Variants in U2AF2 observed in about 807,000 individuals in gnomAD.
The protein encoded by U2AF2 is U2 small nuclear RNA auxiliary factor 2, also known as splicing factor U2AF 65 kDa subunit.
Under a neutral mutation model 52.6 loss-of-function variants are expected in U2AF2, and 6 were observed. The observed-to-expected ratio is 0.11, with a 90% CI of 0.06 to 0.23. The LOEUF is 0.23. Among genes scored for constraint, U2AF2 ranks in the 10% least tolerant of loss-of-function variants. The probability of loss-of-function intolerance (pLI) is 1.00; values close to 1 mark genes in which losing one functional copy is unlikely to be tolerated. For missense variants in U2AF2, 222 were observed against 677.1 expected, an observed-to-expected ratio of 0.33 and a Z score of 7.46; for synonymous variants, 284 against 258.2, an observed-to-expected ratio of 1.10 and a Z score of -0.96.
chr19:55,666,721 G>T (rs1984572937), intron 7 of U2AF2, among the ~76,000 whole-genome samples: 1 of 152,212 alleles, frequency 6.6e-6, no homozygotes, highest in African/African-American at 2.4e-5. Context: ...AACCCAAGGA[G>T]CCATGAACCC....
chr19:55,656,044 C>T (rs1983774016), intron 1 of U2AF2, among the ~76,000 whole-genome samples: 1 of 152,150 alleles, frequency 6.6e-6, no homozygotes, highest in Non-Finnish European at 1.5e-5. Context: ...TCTTCACTTA[C>T]GGGGAAGGTG....
In U2AF2 at chr19:55,668,813, C is replaced by T. The variant is rs377060476; in HGVS notation, c.945+21C>T. On this transcript the variant is annotated intron_variant, in intron 9 of 11. Transcript: ENST00000308924. The surrounding 1 kb of genome is among the most constrained non-coding windows in gnomAD (Gnocchi z 5.5). ...ATCAGGTGAGTCCCCGGTCGCTGGCCGCTGCCGCGTCTGTCCTTCCCTGCC... is the reference window on the plus strand; with the variant it reads ...ATCAGGTGAGTCCCCGGTCGCTGGCTGCTGCCGCGTCTGTCCTTCCCTGCC... 326 of 1,602,348 alleles carry T rather than the reference C, an allele frequency of 2.0e-4. No individual in the cohort carries two copies. Among genetic ancestry groups the T allele is most frequent in the Non-Finnish European group, 2.6e-4 (299 of 1,172,394 alleles).
At chr19:55,660,673 C>G in intron 4 of U2AF2, 54 bp downstream of exon 4, 19 of 1,508,266 alleles carry the variant, frequency 1.3e-5, no homozygotes, top group African/African-American at 2.8e-5. Flanking sequence ...GGTTGGGATT[C>G]TCCGTCAGTC....
intron 11 of U2AF2, among the ~76,000 whole-genome samples, chr19:55,670,278 G>A (rs562584797): frequency 1.2e-4 from 18 of 152,104 alleles, no homozygotes; most frequent in Non-Finnish European, 2.6e-4. Context: ...CGTGACAGGT[G>A]TAATCACCTC....
Position 55,674,187 on chromosome 19 carries a change from C to A in U2AF2, c.*119C>A. The stretch of plus-strand genomic sequence containing the variant: ...AGTGACAGCCGCAGACACACGACAG[C>A]CGGCAGCAACTGGAATGGCAGCAAT... On this transcript the variant is annotated 3_prime_UTR_variant, in exon 12 of 12. Transcript: ENST00000308924. 1 of 811,156 alleles carries A rather than the reference C, an allele frequency of 1.2e-6. No homozygotes were observed. The highest frequency in any genetic ancestry group is 1.6e-6 in the Non-Finnish European group (1 of 609,572). 50.2% of individuals were successfully genotyped at this position (811,156 alleles called of 1,614,324 possible). A position where few individuals can be genotyped will look rare whatever the true frequency, so the allele number is the denominator to read the frequency against.
chr19:55,671,217 G>T (rs1984899735), intron 11 of U2AF2, among the ~76,000 whole-genome samples: 1 of 152,236 alleles, frequency 6.6e-6, no homozygotes, highest in East Asian at 1.9e-4. Context: ...AGTAGCAGGG[G>T]ATGGAGAGAA....
rs1464859437 is a variant in U2AF2 at position 55,674,131 on chromosome 19, CT to C, written c.*65del. ...GGCTTCTCCCCACTCCCGCCCCCCCCTTATCCCCCTCTGAAGACGATGGGCA... is the reference window on the plus strand; with the variant it reads ...GGCTTCTCCCCACTCCCGCCCCCCCCTATCCCCCTCTGAAGACGATGGGCA... On this transcript the variant is annotated 3_prime_UTR_variant, in exon 12 of 12. Transcript: ENST00000308924. 34 of 1,501,888 alleles carry C rather than the reference CT, an allele frequency of 2.3e-5. No individual in the cohort carries two copies. The highest frequency in any genetic ancestry group is 2.8e-5 in the Non-Finnish European group (31 of 1,127,132). 93.0% of individuals were successfully genotyped at this position (1,501,888 alleles called of 1,614,324 possible). A position where few individuals can be genotyped will look rare whatever the true frequency, so the allele number is the denominator to read the frequency against.
chr19:55,660,464 G>T, intron 3 of U2AF2, 52 bp from the exon 4 acceptor site: 1 of 1,183,382 alleles, frequency 8.5e-7, no homozygotes, highest in Non-Finnish European at 1.3e-6. Flanking sequence ...CAGGCCCACT[G>T]TTGGTCAGAC....
At chr19:55,662,787 C>T (rs1178303543) in intron 6 of U2AF2, among the ~76,000 whole-genome samples, 169 bp downstream of exon 6, 1 of 152,088 alleles carries the variant, frequency 6.6e-6, no homozygotes. Flanking sequence ...AGATCTGATC[C>T]TACTTTCTGC....
rs1163489135 is a variant in U2AF2 at position 55,668,940 on chromosome 19, G to T, written c.946-143G>T. 3 of 1,500,258 alleles carry T rather than the reference G, an allele frequency of 2.0e-6. No homozygotes were observed. Among genetic ancestry groups the T allele is most frequent in the East Asian group, 2.3e-5 (1 of 43,410 alleles). 92.9% of individuals were successfully genotyped at this position (1,500,258 alleles called of 1,614,324 possible). A position where few individuals can be genotyped will look rare whatever the true frequency, so the allele number is the denominator to read the frequency against. ...TGTGTGGGCTCGTCCCTGTCCCATG[G>T]CGTTGGCTTTTTCCAGGCTCTTAAT... On this transcript the variant is annotated intron_variant, in intron 9 of 11. Transcript: ENST00000308924. This position sits in a 1 kb window ranked among gnomAD's most constrained non-coding sequence, Gnocchi z 5.5.
rs1985178116 is a variant in U2AF2 at position 55,674,585 on chromosome 19, T to A, written c.*517T>A. ...TCCCCTCCTGGGTTTCTTACGTAGTTGATTTTTCCTCTTTAGTCTCCCCCG... is the reference window on the plus strand; with the variant it reads ...TCCCCTCCTGGGTTTCTTACGTAGTAGATTTTTCCTCTTTAGTCTCCCCCG... On this transcript the variant is annotated 3_prime_UTR_variant, in exon 12 of 12. Coordinates refer to ENST00000308924, the MANE Select transcript of U2AF2 (RefSeq NM_007279.3). 2 of 153,656 alleles carry A rather than the reference T, an allele frequency of 1.3e-5. No homozygotes were observed. The highest frequency in any genetic ancestry group is 3.7e-4 in the South Asian group (2 of 5,386). 9.5% of individuals were successfully genotyped at this position (153,656 alleles called of 1,614,324 possible).
chr19:55,669,824 C>A, intron 11 of U2AF2, 132 bp downstream of exon 11: 4 of 1,349,208 alleles, frequency 3.0e-6, no homozygotes, highest in Non-Finnish European at 3.9e-6. Flanking sequence ...CTCTCTCTCT[C>A]CTCTCGCAGC....
chr19:55,670,371 C>T lies in U2AF2; in HGVS notation c.1293+679C>T, dbSNP rs149318523. On this transcript the variant is annotated intron_variant, in intron 11 of 11. Transcript: ENST00000308924. ...CTTGCTGGGTGTATGTATGGAATTC[C>T]CATCGTACCAGGCTCTGATCTAGAC... Among the ~76,000 whole-genome samples the T allele has an allele frequency of 4.6e-3, 673 of 145,660 alleles. 1 individual carries two copies. The highest frequency in any genetic ancestry group is 8.0e-3 in the Non-Finnish European group (529 of 66,046).
chr19:55,663,949 G>A, intron 7 of U2AF2: 1 of 670,770 alleles, frequency 1.5e-6, no homozygotes, highest in East Asian at 2.9e-5. Flanking sequence ...AGAATGAGCT[G>A]TCACCTGCTG....
chr19:55,664,951 C>T (rs138422016), intron 7 of U2AF2, among the ~76,000 whole-genome samples: 120 of 152,252 alleles, frequency 7.9e-4, no homozygotes, highest in Non-Finnish European at 1.3e-3. Context: ...CGCCTGACCT[C>T]AAGTGATCCG....
rs1600088236 is a variant in U2AF2, at chr19:55,674,122, C to T, written c.*54C>T. 2.6e-6 allele frequency: 4 copies of T among 1,523,888 alleles called. No individual in the cohort carries two copies. The highest frequency in any genetic ancestry group is 2.4e-5 in the East Asian group (1 of 41,474). The allele number at this position is 1,523,888 out of a possible 1,614,324, so 94.4% of individuals were successfully genotyped here. A position where few individuals can be genotyped will look rare whatever the true frequency, so the allele number is the denominator to read the frequency against. ...CTGGCTGGGGGCTTCTCCCCACTCC[C>T]GCCCCCCCCTTATCCCCCTCTGAAG... On this transcript the variant is annotated 3_prime_UTR_variant, in exon 12 of 12. Transcript: ENST00000308924.
intron 7 of U2AF2, 160 bp downstream of exon 7, chr19:55,663,904 C>T: frequency 9.2e-7 from 1 of 1,084,074 alleles, no homozygotes. Flanking sequence ...GAGTGGGGTG[C>T]TCTCCTGCTG....
chr19:55,672,775 G>A (rs1270677127), intron 11 of U2AF2, among the ~76,000 whole-genome samples: 1 of 147,608 alleles, frequency 6.8e-6, no homozygotes, highest in Non-Finnish European at 1.5e-5. Flanking sequence ...TGCCCAGGCT[G>A]GAGTGCAGTG....
chr19:55,667,509 G>A (rs572423884), intron 7 of U2AF2, among the ~76,000 whole-genome samples: 43 of 152,310 alleles, frequency 2.8e-4, no homozygotes, highest in Admixed American at 2.7e-3. Flanking sequence ...TTGTCTGTGA[G>A]TCCAGAGTTC....
Sources: gnomAD v4.1 joint callset for allele counts (sites outside exome capture counted in the v4.1 genomes callset) on GRCh38, gnomAD v4.1.1 for gene constraint, Gnocchi (gnomAD v3.1) non-coding constraint, MANE v1.5 for transcripts, NCBI Gene and HGNC (gene_info 2026-07-23, HGNC 2026-07-21) for gene names.